CCDC178: variants seen among roughly 807,000 people sequenced by gnomAD.
CCDC178 encodes coiled-coil domain containing 178.
Under a neutral mutation model 117.4 loss-of-function variants are expected in CCDC178, and 126 were observed. The observed-to-expected ratio is 1.07, with a 90% confidence interval of 0.93 to 1.24. The LOEUF (loss-of-function observed/expected upper bound fraction) is 1.24. Among genes scored for constraint, CCDC178 ranks in the 50% most tolerant of loss-of-function variants. CCDC178 has a pLI of 0.00. For synonymous variants in CCDC178, 283 were observed against 313.4 expected (o/e 0.90, Z 1.02); for missense variants, 1,030 against 986.9 (o/e 1.04, Z -0.59).
At chr18:33,420,245 C>T (rs971776174) in intron 2 of CCDC178, among the ~76,000 whole-genome samples, 2 of 151,892 alleles carry the variant, frequency 1.3e-5, no homozygotes, top group South Asian at 2.1e-4. Flanking sequence ...TACACATGGA[C>T]ACAAAGAAGG....
chr18:33,337,005 C>T (rs528718340), intron 9 of CCDC178, among the ~76,000 whole-genome samples: 2 of 152,108 alleles, frequency 1.3e-5, no homozygotes, highest in Non-Finnish European at 2.9e-5. Context: ...GTCATTTTCA[C>T]AATGTTGATT....
chr18:33,026,148 C>A (rs1033735102), intron 21 of CCDC178, among the ~76,000 whole-genome samples: 1 of 152,056 alleles, frequency 6.6e-6, no homozygotes, highest in African/African-American at 2.4e-5. Flanking sequence ...ATATGACATT[C>A]TTGAAATGAA....
intron 21 of CCDC178, among the ~76,000 whole-genome samples, chr18:33,016,144 A>C (rs1398738477): frequency 6.6e-6 from 1 of 152,124 alleles, no homozygotes; most frequent in East Asian, 1.9e-4. Context: ...AAAAAAGTAA[A>C]TCATGTACCA....
At chr18:33,036,432 T>C (rs1200909196) in intron 21 of CCDC178, among the ~76,000 whole-genome samples, 3 of 151,866 alleles carry the variant, frequency 2.0e-5, no homozygotes, top group Non-Finnish European at 4.4e-5. Context: ...TCAATAGTTA[T>C]ATAATACATG....
At chr18:33,226,595 A>G (rs2059305365) in intron 16 of CCDC178, among the ~76,000 whole-genome samples, 198 bp downstream of exon 16, 1 of 152,214 alleles carries the variant, frequency 6.6e-6, no homozygotes, top group Admixed American at 6.6e-5. Flanking sequence ...TGAGATATGT[A>G]TATGGGAGGT....
intron 11 of CCDC178, among the ~76,000 whole-genome samples, chr18:33,295,110 G>C (rs2062090738): frequency 6.6e-6 from 1 of 152,138 alleles, no homozygotes; most frequent in African/African-American, 2.4e-5. Flanking sequence ...TTGGCAGAGG[G>C]ATAGCCAAAT....
intron 21 of CCDC178, among the ~76,000 whole-genome samples, chr18:33,010,968 T>C (rs1353524613): frequency 6.6e-6 from 1 of 152,128 alleles, no homozygotes; most frequent in Non-Finnish European, 1.5e-5. Context: ...ATGTTACAAT[T>C]CCTGAATTAG....
At chr18:33,049,968 C>T (rs2056716844) in intron 21 of CCDC178, among the ~76,000 whole-genome samples, 1 of 152,050 alleles carries the variant, frequency 6.6e-6, no homozygotes, top group Non-Finnish European at 1.5e-5. Flanking sequence ...GTAATCCCAG[C>T]TACTCAGGAG....
At chr18:33,063,201 C>T (rs560588089) in intron 21 of CCDC178, among the ~76,000 whole-genome samples, 4 of 152,144 alleles carry the variant, frequency 2.6e-5, no homozygotes, top group Admixed American at 2.6e-4. Context: ...ATTGACCTAC[C>T]CTGCCTGCCA....
intron 15 of CCDC178, among the ~76,000 whole-genome samples, chr18:33,237,980 C>G (rs1164078215): frequency 6.6e-6 from 1 of 152,160 alleles, no homozygotes; most frequent in Non-Finnish European, 1.5e-5. Flanking sequence ...CCACTCTTAA[C>G]AAAGTCACAC....
At chr18:33,112,712 T>C (rs902507092) in intron 20 of CCDC178, among the ~76,000 whole-genome samples, 1 of 151,898 alleles carries the variant, frequency 6.6e-6, no homozygotes, top group African/African-American at 2.4e-5. Context: ...ATCATATGAA[T>C]TGGGGGAACA....
chr18:33,292,540 A>G (rs944042089), intron 12 of CCDC178, among the ~76,000 whole-genome samples: 2 of 152,022 alleles, frequency 1.3e-5, no homozygotes, highest in Admixed American at 6.5e-5. Context: ...ATAATAATTC[A>G]TTCTGTATTT....
At chr18:33,340,529 T>C (rs1269098238) in intron 9 of CCDC178, among the ~76,000 whole-genome samples, 1 of 152,178 alleles carries the variant, frequency 6.6e-6, no homozygotes, top group Non-Finnish European at 1.5e-5. Context: ...GACACCTTCA[T>C]GGCAGACCCT....
chr18:33,052,628 T>C (rs1444524576), intron 21 of CCDC178, among the ~76,000 whole-genome samples: 1 of 152,116 alleles, frequency 6.6e-6, no homozygotes, highest in East Asian at 1.9e-4. Flanking sequence ...AACATATATG[T>C]AGTGTTTGAG....
intron 12 of CCDC178, among the ~76,000 whole-genome samples, chr18:33,287,205 C>A (rs1700338868): frequency 6.6e-6 from 1 of 152,064 alleles, no homozygotes; most frequent in African/African-American, 2.4e-5. Flanking sequence ...AATTAGGCAG[C>A]ACAAATCTTC....
chr18:33,226,983 T>A lies in CCDC178; in HGVS notation c.1594-128A>T, dbSNP rs577731150. 11 of 344,258 alleles carry A rather than the reference T, an allele frequency of 3.2e-5. No individual in the cohort carries two copies. The South Asian group carries it at 1.4e-3, about 45-fold the overall frequency. The allele number at this position is 344,258 out of a possible 1,614,324, so 21.3% of individuals were successfully genotyped here. The stretch of plus-strand genomic sequence containing the variant: ...ATAGAGTAAAATATTAATTATAATT[T>A]ATTATATGTATTTTTAAAATCCTGG... On this transcript the variant is annotated intron_variant, in intron 15 of 22. Transcript: ENST00000383096.
intron 14 of CCDC178, among the ~76,000 whole-genome samples, chr18:33,265,551 T>G (rs28457646): frequency 0.067 from 10,245 of 151,896 alleles, 515 homozygotes; most frequent in African/African-American, 0.14. Context: ...AAAAATACCA[T>G]GTATGGGCTG....
chr18:33,021,850 G>A (rs1598797932), intron 21 of CCDC178, among the ~76,000 whole-genome samples: 1 of 152,052 alleles, frequency 6.6e-6, no homozygotes, highest in Admixed American at 6.6e-5. Flanking sequence ...CCTCTTAGTG[G>A]TGGCTTCCTT....
At chr18:33,430,935 C>T (rs979057628) in intron 2 of CCDC178, among the ~76,000 whole-genome samples, 1 of 151,836 alleles carries the variant, frequency 6.6e-6, no homozygotes. Flanking sequence ...ATTAGCCGGG[C>T]GCGGTGGTGG....
Sources: allele counts gnomAD v4.1 joint callset (sites outside exome capture counted in the v4.1 genomes callset), GRCh38; gene constraint gnomAD v4.1.1; transcripts MANE v1.5; gene names NCBI Gene and HGNC (gene_info 2026-07-23, HGNC 2026-07-21).